Variants in CPAP observed in about 807,000 individuals in gnomAD.
The protein encoded by CPAP is centrosomal P4.1-associated protein.
the CPAP span, among the ~76,000 whole-genome samples, chr13:24,893,292 T>C: frequency 6.6e-6 from 1 of 152,240 alleles, no homozygotes; most frequent in African/African-American, 2.4e-5. Context: ...CCCTGAAAAC[T>C]ATCTGAAATT....
At chr13:24,892,603 TCCC>T in the CPAP span, 1 of 1,473,318 alleles carries the variant, frequency 6.8e-7, no homozygotes, top group East Asian at 2.3e-5. Context: ...ATATTGAAGC[TCCC>T]CCTGGCCTGA....
At chr13:24,884,018 G>GAAAT in the CPAP span, 9 of 1,613,940 alleles carry the variant, frequency 5.6e-6, no homozygotes, top group African/African-American at 6.7e-5. Context: ...TGTCCATCAG[G>GAAAT]AAATAAGTTT....
At chr13:24,894,485 G>C in the CPAP span, among the ~76,000 whole-genome samples, 11 of 152,338 alleles carry the variant, frequency 7.2e-5, no homozygotes, top group East Asian at 2.1e-3. Context: ...GCTCCACAGG[G>C]GCCGTGTCAG....
chr13:24,921,736 T>C, the CPAP span, among the ~76,000 whole-genome samples: 1 of 152,102 alleles, frequency 6.6e-6, no homozygotes, highest in African/African-American at 2.4e-5. Flanking sequence ...GGTCATTTCA[T>C]AATATGGAAA....
At chr13:24,885,788 A>G in the CPAP span, 1 of 746,034 alleles carries the variant, frequency 1.3e-6, no homozygotes, top group Admixed American at 2.2e-5. Flanking sequence ...CCATTAGTTA[A>G]GGATGTCTTA....
chr13:24,883,408 A>T, the CPAP span: 1 of 1,452,876 alleles, frequency 6.9e-7, no homozygotes, highest in African/African-American at 1.4e-5. Flanking sequence ...TTAAAAAAAA[A>T]ATAATAGAAA....
At chr13:24,925,397 C>G in the CPAP span, among the ~76,000 whole-genome samples, 9 of 152,210 alleles carry the variant, frequency 5.9e-5, no homozygotes, top group Admixed American at 2.0e-4. Context: ...TGCAGTGGCT[C>G]ACACCTGTAA....
chr13:24,894,636 T>C, the CPAP span, among the ~76,000 whole-genome samples: 1 of 151,820 alleles, frequency 6.6e-6, no homozygotes, highest in South Asian at 2.1e-4. Context: ...GGCTGTGGGG[T>C]TGAGTGAGTT....
At chr13:24,899,566 G>C in the CPAP span, 1 of 1,613,274 alleles carries the variant, frequency 6.2e-7, no homozygotes, top group Non-Finnish European at 8.5e-7. Context: ...TCTGTTGTTC[G>C]AAGTCTGCAA....
At chr13:24,896,073 T>C in the CPAP span, among the ~76,000 whole-genome samples, 1 of 152,228 alleles carries the variant, frequency 6.6e-6, no homozygotes, top group Non-Finnish European at 1.5e-5. Context: ...TTTTAAAGTA[T>C]ATTTTTGCAC....
the CPAP span, among the ~76,000 whole-genome samples, chr13:24,920,559 G>C: frequency 6.6e-6 from 1 of 151,512 alleles, no homozygotes; most frequent in South Asian, 2.1e-4. Context: ...AACAAAAATT[G>C]CTGCCACAGG....
chr13:24,920,064 G>A, the CPAP span, among the ~76,000 whole-genome samples: 815 of 152,188 alleles, frequency 5.4e-3, 21 homozygotes, highest in East Asian at 0.081. Flanking sequence ...GAGTCACTGC[G>A]CCCAGCCTAA....
chr13:24,905,482 G>C, the CPAP span: 1 of 1,614,154 alleles, frequency 6.2e-7, no homozygotes, highest in Non-Finnish European at 8.5e-7. Context: ...TCCTGGACTT[G>C]CTCAAGTCTT....
At chr13:24,884,301 G>C in the CPAP span, 2 of 1,613,972 alleles carry the variant, frequency 1.2e-6, no homozygotes, top group African/African-American at 2.7e-5. Context: ...AACTATGGAG[G>C]AGAACACCTC....
At chr13:24,912,136 TAA>T in the CPAP span, 79 of 1,465,920 alleles carry the variant, frequency 5.4e-5, no homozygotes, top group Non-Finnish European at 7.0e-5. Flanking sequence ...CTCGTTCCCT[TAA>T]TTCCTCCCAT....
chr13:24,886,243 G>A, the CPAP span: 1 of 1,129,574 alleles, frequency 8.9e-7, no homozygotes. Context: ...ACTTGGAAGG[G>A]TCTCGAGCAA....
the CPAP span, chr13:24,899,370 T>C: frequency 9.4e-5 from 136 of 1,440,830 alleles, no homozygotes; most frequent in South Asian, 1.6e-3. Flanking sequence ...GCTTACAAGA[T>C]TGTCACCTTT....
At chr13:24,903,040 T>C in the CPAP span, among the ~76,000 whole-genome samples, 4 of 152,244 alleles carry the variant, frequency 2.6e-5, no homozygotes, top group Non-Finnish European at 5.9e-5. Flanking sequence ...CTTAGTACTA[T>C]TCACAAGTAC....
the CPAP span, among the ~76,000 whole-genome samples, chr13:24,887,158 C>G: frequency 3.9e-5 from 6 of 152,286 alleles, no homozygotes; most frequent in Admixed American, 2.6e-4. Flanking sequence ...AAGGGAAAAA[C>G]TGAAATTGAA....
Sources: allele counts gnomAD v4.1 joint callset (sites outside exome capture counted in the v4.1 genomes callset), GRCh38; gene constraint gnomAD v4.1.1; transcripts MANE v1.5; gene names NCBI Gene and HGNC (gene_info 2026-07-23, HGNC 2026-07-21).